BCL2L12: variants seen among roughly 807,000 people sequenced by gnomAD.
BCL2L12 encodes BCL2 like 12, also known as bcl-2-like protein 12.
In BCL2L12, 27 loss-of-function variants were observed where a neutral mutation model predicts 25.7. That is an observed-to-expected ratio of 1.05 (90% CI 0.78 to 1.45). The LOEUF is 1.45. Among genes scored for constraint, BCL2L12 ranks in the 40% most tolerant of loss-of-function variants. The probability of loss-of-function intolerance (pLI) is 0.00; values close to 1 mark genes in which losing one functional copy is unlikely to be tolerated. For missense variants in BCL2L12, 302 were observed against 329.8 expected (o/e 0.92, Z 0.65); for synonymous variants, 132 against 145.6 (o/e 0.91, Z 0.67).
At chr19:49,665,836 G>A (rs1226742962), upstream of BCL2L12, 10 of 1,596,684 alleles carry the variant, frequency 6.3e-6, 1 homozygote, top group South Asian at 3.3e-5. Context: ...GGGACGGCCC[G>A]CTGGGCTGTT....
chr19:49,665,832 G>C (rs755216778), upstream of BCL2L12: 4 of 1,590,730 alleles, frequency 2.5e-6, no homozygotes, highest in South Asian at 4.4e-5. Context: ...CGATGGGACG[G>C]CCCGCTGGGC....
chr19:49,666,700 G>T lies in BCL2L12; in HGVS notation c.8G>T (p.Gly3Val). 1.9e-6 allele frequency: 3 copies of T among 1,552,890 alleles called. No individual in the cohort carries two copies. Among genetic ancestry groups the T allele is most frequent in the Non-Finnish European group, 2.6e-6 (3 of 1,147,560 alleles). Residue 3 changes from glycine to valine, a missense_variant, in exon 2 of 7, where the codon GGC becomes GTC. Transcript: ENST00000246784. Reference protein sequence around the residue: MAGSEELGLREDT... With the variant: MAVSEELGLREDT... Reference sequence around the variant, plus strand: ...TCTCTCACAGGTGCCTCCATGGCAGGCTCTGAAGAGCTGGGGCTCCGGGAA... The same window carrying T: ...TCTCTCACAGGTGCCTCCATGGCAGTCTCTGAAGAGCTGGGGCTCCGGGAA...
At chr19:49,665,603 A>C, upstream of BCL2L12, 2 of 573,948 alleles carry the variant, frequency 3.5e-6, no homozygotes, top group South Asian at 4.5e-5. Flanking sequence ...GGACGCCACC[A>C]ACGCTCTCCC....
chr19:49,673,144 G>A (rs1390839026), intron 6 of BCL2L12, among the ~76,000 whole-genome samples: 1 of 152,032 alleles, frequency 6.6e-6, no homozygotes, highest in Non-Finnish European at 1.5e-5. Context: ...GGAATTACAG[G>A]CTGAGCTACC....
In BCL2L12 at chr19:49,672,375, A is replaced by C. The variant is rs1394876498; in HGVS notation, c.703-1323A>C. ...CTACAGTAGGGTGAGCGGGCGACAG[A>C]TGAGAGGAGGAGAGGCGCCGGGCCA... On this transcript the variant is annotated intron_variant, in intron 6 of 6. Coordinates refer to ENST00000246784, the MANE Select transcript of BCL2L12 (RefSeq NM_138639.2). The surrounding 1 kb of genome is among the most constrained non-coding windows in gnomAD (Gnocchi z 4.1). 2.0e-5 allele frequency among the ~76,000 whole-genome samples: 3 copies of C among 152,158 alleles called. No homozygotes were observed. The highest frequency in any genetic ancestry group is 2.0e-4 in the Admixed American group (3 of 15,274).
intron 5 of BCL2L12, among the ~76,000 whole-genome samples, chr19:49,669,662 CAG>C (rs1245551235): frequency 1.3e-5 from 2 of 151,004 alleles, no homozygotes; most frequent in Non-Finnish European, 2.9e-5. Context: ...GTGTGGCCAT[CAG>C]AAACATTATC....
At chr19:49,668,796 G>T (rs1383173480) in intron 3 of BCL2L12, 55 bp from the exon 4 acceptor site, 1 of 1,512,850 alleles carries the variant, frequency 6.6e-7, no homozygotes, top group Non-Finnish European at 9.1e-7. Flanking sequence ...GGGAAGGAGA[G>T]AATCCGTAAG....
chr19:49,668,761 C>T, intron 3 of BCL2L12, 90 bp from the exon 4 acceptor site: 1 of 1,234,194 alleles, frequency 8.1e-7, no homozygotes, highest in Non-Finnish European at 1.1e-6. Flanking sequence ...AAATGGGAAT[C>T]ATTGCCACCT....
chr19:49,665,940 A>G lies in BCL2L12; in HGVS notation c.-136A>G, dbSNP rs142687869. On this transcript the variant is annotated 5_prime_UTR_variant, in exon 1 of 7. Transcript: ENST00000246784. Reference sequence around the variant, plus strand: ...GTGCACCCAGCGTTCCGCCCTTTCTACGCTGGGCCGGTTATCGACCCGGCC... The same window carrying G: ...GTGCACCCAGCGTTCCGCCCTTTCTGCGCTGGGCCGGTTATCGACCCGGCC... 1.5e-5 allele frequency: 24 copies of G among 1,613,548 alleles called. No individual in the cohort carries two copies. Among genetic ancestry groups the G allele is most frequent in the African/African-American group, 1.1e-4 (8 of 74,894 alleles).
chr19:49,665,672 C>G, upstream of BCL2L12: 1 of 1,073,146 alleles, frequency 9.3e-7, no homozygotes, highest in Non-Finnish European at 1.3e-6. Context: ...TGGAACCCAC[C>G]CCTGTCTTGG....
chr19:49,671,127 ACTCCAGC>A (rs2081953837), intron 6 of BCL2L12, among the ~76,000 whole-genome samples: 1 of 151,424 alleles, frequency 6.6e-6, no homozygotes, highest in Non-Finnish European at 1.5e-5. Flanking sequence ...ATGCCACTGC[ACTCCAGC>A]CTGGGCGACA....
At position 49,673,739 on chromosome 19, in the gene BCL2L12, A is replaced by G. The variant is rs763754964; in HGVS notation, c.744A>G (p.Pro248=). Residue 248 remains proline (P), a synonymous_variant, in exon 7 of 7, where the codon CCA becomes CCG. Coordinates refer to ENST00000246784, the MANE Select transcript of BCL2L12 (RefSeq NM_138639.2). ...LAVSPVDLNL[P]LD ...TTTCACCCGTGGACTTGAACTTGCC[A>G]TTGGACTGAGCTCTTTCTCAGAAGC... 6 of 1,614,072 alleles carry G rather than the reference A, an allele frequency of 3.7e-6. No individual in the cohort carries two copies. In the Admixed American group the frequency reaches 6.7e-5, roughly 18 times the overall value.
At chr19:49,666,613 C>A in intron 1 of BCL2L12, 72 bp from the exon 2 acceptor site, 3 of 1,220,256 alleles carry the variant, frequency 2.5e-6, no homozygotes, top group Non-Finnish European at 3.4e-6. Flanking sequence ...TTGGGACTCA[C>A]AAGTCCTGGT....
chr19:49,665,913 G>C (rs1225338090), upstream of BCL2L12: 3 of 1,613,602 alleles, frequency 1.9e-6, no homozygotes, highest in Non-Finnish European at 2.5e-6. Flanking sequence ...TGCAAATTGA[G>C]CGTGCACCCA....
At chr19:49,665,900 A>G (rs973664955), upstream of BCL2L12, 1 of 1,612,936 alleles carries the variant, frequency 6.2e-7, no homozygotes, top group Non-Finnish European at 8.5e-7. Context: ...TGGGAGCGTC[A>G]CATGCAAATT....
chr19:49,670,131 G>A (rs1207710230), intron 5 of BCL2L12, 85 bp from the exon 6 acceptor site: 2 of 1,510,648 alleles, frequency 1.3e-6, no homozygotes, highest in African/African-American at 2.8e-5. Context: ...GAACGATCCT[G>A]AACCGGGAAG....
upstream of BCL2L12, chr19:49,665,817 A>G (rs771134637): frequency 6.3e-7 from 1 of 1,585,140 alleles, no homozygotes. Context: ...AACAGACCCA[A>G]AAGCCGATGG....
intron 3 of BCL2L12, among the ~76,000 whole-genome samples, chr19:49,668,418 T>C (rs958267775): frequency 6.6e-6 from 1 of 152,098 alleles, no homozygotes; most frequent in African/African-American, 2.4e-5. Context: ...ACATTCTAAG[T>C]CCAGTCTGAG....
At position 49,670,223 on chromosome 19, in the gene BCL2L12, CG is replaced by C. The variant is rs1229945490; in HGVS notation, c.439del (p.Asp147ThrfsTer52). Reference protein sequence around the residue: ...EAEVINQKLASDPALRSKLVR... With the variant: ...EAEVINQKLAXDPALRSKLVR... The stretch of plus-strand genomic sequence containing the variant: ...GCCTCTTCCACCCTACAGCTGGCCT[CG>C]GACCCCGCCCTGCGCAGCAAGCTGG... On this transcript the variant is annotated frameshift_variant, in exon 6 of 7. Transcript: ENST00000246784. LOFTEE classifies it high-confidence loss of function. 3 of 1,605,096 alleles carry C rather than the reference CG, an allele frequency of 1.9e-6. No individual in the cohort carries two copies. In the African/African-American group the frequency reaches 4.0e-5, roughly 21 times the overall value.
Sources: allele counts gnomAD v4.1 joint callset (sites outside exome capture counted in the v4.1 genomes callset), GRCh38; gene constraint gnomAD v4.1.1; non-coding constraint Gnocchi (gnomAD v3.1); transcripts MANE v1.5; gene names NCBI Gene and HGNC (gene_info 2026-07-23, HGNC 2026-07-21).